Variants in ST6GALNAC3 observed in about 807,000 individuals in gnomAD.
ST6GALNAC3 encodes the protein alpha-N-acetylgalactosaminide alpha-2,6-sialyltransferase 3.
Under a neutral mutation model 32.7 loss-of-function variants are expected in ST6GALNAC3, and 25 were observed. That is an observed-to-expected ratio of 0.76 (90% CI 0.56 to 1.07). The LOEUF is 1.07. ST6GALNAC3 is among the 50% of genes least tolerant of loss of function. The probability of loss-of-function intolerance (pLI) is 0.00; values close to 1 mark genes in which losing one functional copy is unlikely to be tolerated. For missense variants in ST6GALNAC3, 355 were observed against 382.4 expected (o/e 0.93, Z 0.60); for synonymous variants, 129 against 133.1 (o/e 0.97, Z 0.21).
intron 1 of ST6GALNAC3, among the ~76,000 whole-genome samples, chr1:76,096,415 G>C (rs1024402584): frequency 1.3e-5 from 2 of 152,052 alleles, no homozygotes; most frequent in Non-Finnish European, 2.9e-5. Flanking sequence ...GTCTCTGAAG[G>C]CCATTTCTTT....
intron 2 of ST6GALNAC3, among the ~76,000 whole-genome samples, chr1:76,367,624 G>A (rs1209505106): frequency 1.3e-5 from 2 of 152,118 alleles, no homozygotes. Flanking sequence ...TCTCTGAACT[G>A]GATGAATGTC....
At chr1:76,444,908 A>G (rs989658785) in intron 3 of ST6GALNAC3, among the ~76,000 whole-genome samples, 2 of 152,258 alleles carry the variant, frequency 1.3e-5, no homozygotes, top group East Asian at 1.9e-4. Flanking sequence ...TCTACATTTC[A>G]TATGCAATAA....
intron 3 of ST6GALNAC3, among the ~76,000 whole-genome samples, chr1:76,445,719 G>C (rs756385616): frequency 4.5e-4 from 69 of 152,084 alleles, no homozygotes; most frequent in African/African-American, 1.1e-3. Flanking sequence ...TGATCTTCTA[G>C]TATAGGACAC....
intron 3 of ST6GALNAC3, among the ~76,000 whole-genome samples, chr1:76,463,466 A>C (rs576510728): frequency 6.6e-6 from 1 of 152,088 alleles, no homozygotes; most frequent in Non-Finnish European, 1.5e-5. Context: ...TTTCTCTATG[A>C]CTCTGCAGAG....
At chr1:76,391,032 C>G (rs372474717) in intron 2 of ST6GALNAC3, among the ~76,000 whole-genome samples, 1 of 150,578 alleles carries the variant, frequency 6.6e-6, no homozygotes, top group Admixed American at 6.6e-5. Flanking sequence ...CTCCACCTCC[C>G]AGGATCACGC....
intron 3 of ST6GALNAC3, among the ~76,000 whole-genome samples, chr1:76,519,122 T>C (rs1167591566): frequency 6.6e-6 from 1 of 152,170 alleles, no homozygotes; most frequent in African/African-American, 2.4e-5. Context: ...GGTTAAATTG[T>C]TGACCGTCTT....
chr1:76,396,033 G>T (rs1221531668), intron 2 of ST6GALNAC3, among the ~76,000 whole-genome samples: 2 of 152,098 alleles, frequency 1.3e-5, no homozygotes, highest in African/African-American at 2.4e-5. Context: ...ATACTAACTT[G>T]GTCATTCCAC....
chr1:76,344,789 C>T (rs1352296522), intron 2 of ST6GALNAC3, among the ~76,000 whole-genome samples: 1 of 152,166 alleles, frequency 6.6e-6, no homozygotes, highest in Non-Finnish European at 1.5e-5. Flanking sequence ...AAATATCATT[C>T]TTGGGTACTT....
intron 3 of ST6GALNAC3, among the ~76,000 whole-genome samples, chr1:76,529,035 A>G (rs1009453498): frequency 6.6e-6 from 1 of 152,030 alleles, no homozygotes; most frequent in African/African-American, 2.4e-5. Flanking sequence ...CATTGCTGAT[A>G]TCCCAAGTGA....
In ST6GALNAC3 at chr1:76,512,996, T is replaced by C. The variant is rs545781992; in HGVS notation, c.623+100579T>C. 1.5e-4 allele frequency among the ~76,000 whole-genome samples: 23 copies of C among 151,830 alleles called. No homozygotes were observed. The South Asian group carries it at 4.3e-3, about 29-fold the overall frequency. On this transcript the variant is annotated intron_variant, in intron 3 of 4. Transcript: ENST00000328299. ...CTATTTAGGTATATTGGGTTTTTTT[T>C]CTTTTGTTTAAGTCCCTAATATATT...
intron 2 of ST6GALNAC3, among the ~76,000 whole-genome samples, chr1:76,322,490 A>G (rs1646986079): frequency 1.3e-5 from 2 of 152,302 alleles, no homozygotes; most frequent in Admixed American, 1.3e-4. Context: ...TGTAATGATG[A>G]TGGCTGAGTA....
chr1:76,378,789 A>G (rs1651463368), intron 2 of ST6GALNAC3, among the ~76,000 whole-genome samples: 1 of 152,224 alleles, frequency 6.6e-6, no homozygotes, highest in African/African-American at 2.4e-5. Flanking sequence ...GTAGAGAGCA[A>G]TTCCTTAGGG....
At chr1:76,395,952 G>T (rs1403312525) in intron 2 of ST6GALNAC3, among the ~76,000 whole-genome samples, 2 of 152,110 alleles carry the variant, frequency 1.3e-5, no homozygotes, top group African/African-American at 4.8e-5. Context: ...TTGCAAAATA[G>T]CTAGAAGCGA....
chr1:76,220,492 A>G (rs1055321530), intron 1 of ST6GALNAC3, among the ~76,000 whole-genome samples: 5 of 152,216 alleles, frequency 3.3e-5, no homozygotes, highest in African/African-American at 1.2e-4. Context: ...GGCATACTAT[A>G]TGCCAGGAAA....
Position 76,580,201 on chromosome 1 carries a change from C to A in ST6GALNAC3, c.624-47251C>A, listed in dbSNP as rs957276670. Among the ~76,000 whole-genome samples, 17 of 152,044 alleles carry A rather than the reference C, an allele frequency of 1.1e-4. 1 individual carries two copies. Among genetic ancestry groups the A allele is most frequent in the Non-Finnish European group, 2.5e-4 (17 of 67,974 alleles). On this transcript the variant is annotated intron_variant, in intron 3 of 4. Transcript: ENST00000328299. ...TTTGTTGAAGTATTTCAATCTATTG[C>A]ATTTACATCATCCCTGTTGATGCTC...
chr1:76,618,147 A>C (rs1486015122), intron 3 of ST6GALNAC3, among the ~76,000 whole-genome samples: 1 of 152,222 alleles, frequency 6.6e-6, no homozygotes, highest in East Asian at 1.9e-4. Context: ...ACGCCTACCT[A>C]GACCAATCCT....
At chr1:76,276,463 AT>A (rs1196685959) in intron 1 of ST6GALNAC3, among the ~76,000 whole-genome samples, 7 of 152,050 alleles carry the variant, frequency 4.6e-5, no homozygotes, top group African/African-American at 1.7e-4. Flanking sequence ...ATTCCACATG[AT>A]TTGTGAGATT....
intron 2 of ST6GALNAC3, among the ~76,000 whole-genome samples, chr1:76,367,091 G>A (rs193143772): frequency 6.6e-6 from 1 of 152,232 alleles, no homozygotes; most frequent in East Asian, 1.9e-4. Context: ...AGCAATACCA[G>A]GCTAATCCCT....
At chr1:76,205,406 G>T (rs1249139386) in intron 1 of ST6GALNAC3, among the ~76,000 whole-genome samples, 2 of 151,962 alleles carry the variant, frequency 1.3e-5, no homozygotes, top group Non-Finnish European at 2.9e-5. Context: ...CTTGCTTAGG[G>T]TTCCCTGACA....
Sources: allele counts gnomAD v4.1 joint callset (sites outside exome capture counted in the v4.1 genomes callset), GRCh38; gene constraint gnomAD v4.1.1; transcripts MANE v1.5; gene names NCBI Gene and HGNC (gene_info 2026-07-23, HGNC 2026-07-21).